Variants in LRP1B observed in about 807,000 individuals in gnomAD.
LRP1B encodes low-density lipoprotein receptor-related protein 1B.
LRP1B carries 217 observed loss-of-function variants against 556.6 expected under a neutral mutation model. That is an observed-to-expected ratio of 0.39 (90% CI 0.35 to 0.44). LRP1B has a LOEUF of 0.44. Among genes scored for constraint, LRP1B ranks in the 20% least tolerant of loss-of-function variants. The pLI, the probability that LRP1B is intolerant of heterozygous loss-of-function variation, is 1.00. For synonymous variants in LRP1B, 2,047 were observed against 1,865.8 expected (o/e 1.10, Z -2.50); for missense variants, 5,053 against 5,620.8 (o/e 0.90, Z 3.23).
chr2:140,852,142 A>G (rs933392633), intron 27 of LRP1B, among the ~76,000 whole-genome samples: 2 of 152,092 alleles, frequency 1.3e-5, no homozygotes, highest in Admixed American at 6.5e-5. Flanking sequence ...CCTGGCTAAC[A>G]CCATGAAACC....
At chr2:141,881,604 C>A (rs7565562) in intron 1 of LRP1B, among the ~76,000 whole-genome samples, 128,831 of 151,922 alleles carry the variant, frequency 0.85, 54,724 homozygotes, top group East Asian at 1. Flanking sequence ...GATTAAAAAC[C>A]AAGAGTGAGG....
chr2:141,146,510 T>G (rs1211510211), intron 7 of LRP1B, among the ~76,000 whole-genome samples: 1 of 152,206 alleles, frequency 6.6e-6, no homozygotes, highest in Non-Finnish European at 1.5e-5. Flanking sequence ...TGTTAAAAGT[T>G]AGCAAGCTAT....
At chr2:140,964,355 G>A (rs899678236) in intron 18 of LRP1B, among the ~76,000 whole-genome samples, 5 of 152,088 alleles carry the variant, frequency 3.3e-5, no homozygotes, top group Non-Finnish European at 5.9e-5. Flanking sequence ...CTGATGTCAG[G>A]CCCTCCACAA....
chr2:140,341,935 C>T (rs561242542), intron 77 of LRP1B, among the ~76,000 whole-genome samples: 10 of 151,358 alleles, frequency 6.6e-5, no homozygotes, highest in African/African-American at 2.2e-4. Flanking sequence ...ACTTAATGAA[C>T]TCCAGGGAGA....
chr2:142,099,282 G>A (rs1056249661), intron 1 of LRP1B, among the ~76,000 whole-genome samples: 1 of 151,712 alleles, frequency 6.6e-6, no homozygotes, highest in Non-Finnish European at 1.5e-5. Flanking sequence ...TGTCCCAGTG[G>A]GCTTTACCTT....
At chr2:141,272,757 G>GA (rs1211234741) in intron 3 of LRP1B, among the ~76,000 whole-genome samples, 5 of 151,758 alleles carry the variant, frequency 3.3e-5, no homozygotes, top group South Asian at 2.1e-4. Flanking sequence ...GAATCCATCA[G>GA]AAAAAAATAC....
Position 141,709,308 on chromosome 2 carries a change from C to A in LRP1B, c.205+100971G>T, listed in dbSNP as rs111661265. Reference sequence around the variant, plus strand: ...AAGTTGCAGTGAGCCAAGACTGCACCATTGCACTCCAGCCTGGGCAACAGA... The same window carrying A: ...AAGTTGCAGTGAGCCAAGACTGCACAATTGCACTCCAGCCTGGGCAACAGA... On this transcript the variant is annotated intron_variant, in intron 2 of 90. Transcript: ENST00000389484. Among the ~76,000 whole-genome samples the A allele has an allele frequency of 3.0e-3, 451 of 151,712 alleles. 3 individuals are homozygous for A. The highest frequency in any genetic ancestry group is 0.01 in the African/African-American group (427 of 41,300).
intron 1 of LRP1B, among the ~76,000 whole-genome samples, chr2:142,009,809 A>T (rs1702900583): frequency 6.6e-6 from 1 of 152,120 alleles, no homozygotes; most frequent in African/African-American, 2.4e-5. Flanking sequence ...TTGTATATAG[A>T]AATAATAGTG....
intron 3 of LRP1B, among the ~76,000 whole-genome samples, chr2:141,441,056 T>C (rs532668069): frequency 1.3e-5 from 2 of 150,006 alleles, no homozygotes; most frequent in African/African-American, 4.9e-5. Context: ...GAAGCCCTGA[T>C]TTTTTTTTTA....
chr2:141,882,447 A>G (rs1486834703), intron 1 of LRP1B, among the ~76,000 whole-genome samples: 8 of 152,148 alleles, frequency 5.3e-5, no homozygotes, highest in Non-Finnish European at 1.0e-4. Flanking sequence ...CTGCTTATAG[A>G]TTGTTTGCAG....
intron 27 of LRP1B, among the ~76,000 whole-genome samples, chr2:140,863,568 G>A (rs932110578): frequency 1.3e-5 from 2 of 152,106 alleles, no homozygotes; most frequent in African/African-American, 4.8e-5. Context: ...GTGTGAGCAT[G>A]ATCTGACCCC....
At chr2:140,511,824 G>C (rs1011659543) in intron 51 of LRP1B, among the ~76,000 whole-genome samples, 3 of 151,970 alleles carry the variant, frequency 2.0e-5, no homozygotes, top group African/African-American at 7.3e-5. Context: ...AAATTATTTT[G>C]TTTGCTAACT....
At chr2:142,025,746 CTG>C (rs1199995972) in intron 1 of LRP1B, among the ~76,000 whole-genome samples, 1 of 152,058 alleles carries the variant, frequency 6.6e-6, no homozygotes, top group Non-Finnish European at 1.5e-5. Flanking sequence ...AAATTTCACA[CTG>C]TGTGTGTGAT....
chr2:140,291,155 A>G (rs1049301843), intron 84 of LRP1B, among the ~76,000 whole-genome samples: 2 of 151,122 alleles, frequency 1.3e-5, no homozygotes, highest in Admixed American at 1.3e-4. Context: ...GAAACAGGAA[A>G]AATAAATTTC....
intron 86 of LRP1B, among the ~76,000 whole-genome samples, chr2:140,268,594 C>T (rs1358350933): frequency 2.0e-5 from 3 of 151,912 alleles, no homozygotes; most frequent in Non-Finnish European, 2.9e-5. Context: ...CAGATGTGAT[C>T]GATCTCTAAA....
chr2:141,219,823 A>G (rs1236567194), intron 6 of LRP1B, among the ~76,000 whole-genome samples: 1 of 152,166 alleles, frequency 6.6e-6, no homozygotes, highest in Admixed American at 6.6e-5. Context: ...GTTGTCCCCC[A>G]GTAAGCCCCA....
At chr2:141,265,317 C>T (rs1684844606) in intron 3 of LRP1B, among the ~76,000 whole-genome samples, 1 of 152,116 alleles carries the variant, frequency 6.6e-6, no homozygotes, top group Non-Finnish European at 1.5e-5. Context: ...TCCCAGGATT[C>T]CATCAGGAAG....
intron 1 of LRP1B, among the ~76,000 whole-genome samples, chr2:142,015,909 G>T (rs984768095): frequency 1.3e-5 from 2 of 149,198 alleles, no homozygotes; most frequent in African/African-American, 4.9e-5. Flanking sequence ...GAAGAATGGC[G>T]ATAGCCCGGG....
intron 1 of LRP1B, among the ~76,000 whole-genome samples, chr2:141,869,230 CA>C (rs1298688033): frequency 6.6e-6 from 1 of 152,022 alleles, no homozygotes; most frequent in Non-Finnish European, 1.5e-5. Flanking sequence ...AGCTATTGAG[CA>C]GCTGAAATAT....
Sources: allele counts gnomAD v4.1 joint callset (sites outside exome capture counted in the v4.1 genomes callset), GRCh38; gene constraint gnomAD v4.1.1; transcripts MANE v1.5; gene names NCBI Gene and HGNC (gene_info 2026-07-23, HGNC 2026-07-21).